GCG: variants seen among roughly 807,000 people sequenced by gnomAD.
GCG encodes pro-glucagon.
Under a neutral mutation model 22.8 loss-of-function variants are expected in GCG, and 11 were observed. The observed-to-expected ratio is 0.48, with a 90% CI of 0.30 to 0.80. GCG has a LOEUF of 0.80. Among genes scored for constraint, GCG ranks in the 30% least tolerant of loss-of-function variants. The pLI, the probability that GCG is intolerant of heterozygous loss-of-function variation, is 0.06. For synonymous variants in GCG, 89 were observed against 72.4 expected, an observed-to-expected ratio of 1.23 and a Z score of -1.16; for missense variants, 222 against 222.0, an observed-to-expected ratio of 1.00 and a Z score of 0.00.
At chr2:162,151,503 T>G (rs181811749) in intron 1 of GCG, among the ~76,000 whole-genome samples, 6 of 152,248 alleles carry the variant, frequency 3.9e-5, no homozygotes, top group Admixed American at 2.6e-4. Context: ...CTATTTATCC[T>G]CAATACATAG....
chr2:162,143,413 AGAT>A (rs1405024482), intron 5 of GCG, 43 bp from the exon 6 acceptor site: 9 of 754,014 alleles, frequency 1.2e-5, no homozygotes, highest in Non-Finnish European at 2.0e-5. Context: ...AATTATAATA[AGAT>A]GATATCATTA....
chr2:162,144,008 T>G lies in GCG; in HGVS notation c.536+19A>C, dbSNP rs767986913. 2.5e-6 allele frequency: 4 copies of G among 1,608,488 alleles called. No individual in the cohort carries two copies. The Admixed American group carries it at 6.7e-5, about 27-fold the overall frequency. On this transcript the variant is annotated intron_variant, in intron 5 of 5. Coordinates refer to ENST00000418842, the MANE Select transcript of GCG (RefSeq NM_002054.5). The stretch of plus-strand genomic sequence containing the variant: ...TATGAGAATTTGATGGTTTTCAGAA[T>G]TAACTAAAAAGCAGTCACCTGTCAG...
At chr2:162,150,249 G>T (rs1449961677) in intron 1 of GCG, among the ~76,000 whole-genome samples, 1 of 152,000 alleles carries the variant, frequency 6.6e-6, no homozygotes, top group East Asian at 1.9e-4. Context: ...TTGAGAAGCG[G>T]GCATTTCAAT....
chr2:162,151,371 A>G (rs966066041), intron 1 of GCG, among the ~76,000 whole-genome samples: 1 of 152,166 alleles, frequency 6.6e-6, no homozygotes, highest in African/African-American at 2.4e-5. Flanking sequence ...ATGGAAAAAT[A>G]CACCACTTAA....
intron 5 of GCG, 126 bp downstream of exon 5, chr2:162,143,901 A>G (rs1482750983): frequency 5.3e-6 from 4 of 754,162 alleles, no homozygotes; most frequent in Non-Finnish European, 9.3e-6. Flanking sequence ...TTAAACATGC[A>G]TAATTATTTC....
At chr2:162,146,912 C>T (rs1221651629) in intron 3 of GCG, among the ~76,000 whole-genome samples, 1 of 152,094 alleles carries the variant, frequency 6.6e-6, no homozygotes. Flanking sequence ...TTTTATTCTA[C>T]AAGAAAAGGA....
chr2:162,149,802 C>T (rs1025114648), intron 1 of GCG, among the ~76,000 whole-genome samples: 2 of 151,974 alleles, frequency 1.3e-5, no homozygotes, highest in African/African-American at 2.4e-5. Flanking sequence ...TTGACCTGTT[C>T]TAAATTAAAG....
intron 5 of GCG, 52 bp from the exon 6 acceptor site, chr2:162,143,422 C>T: frequency 1.4e-6 from 1 of 697,574 alleles, no homozygotes; most frequent in Non-Finnish European, 2.4e-6. Flanking sequence ...AAGATGATAT[C>T]ATTAACTTAT....
chr2:162,146,693 C>T (rs1686695004), intron 3 of GCG, among the ~76,000 whole-genome samples: 1 of 151,944 alleles, frequency 6.6e-6, no homozygotes, highest in Admixed American at 6.6e-5. Context: ...TTGTGGGCCA[C>T]CCTCCAAAAA....
chr2:162,144,332 C>G, intron 4 of GCG, 162 bp from the exon 5 acceptor site: 1 of 603,880 alleles, frequency 1.7e-6, no homozygotes, highest in Non-Finnish European at 2.9e-6. Flanking sequence ...CCCATGTGGA[C>G]CAGTGACTAC....
At chr2:162,144,703 C>T (rs1686637680) in intron 4 of GCG, 1 of 152,086 alleles carries the variant, frequency 6.6e-6, no homozygotes, top group South Asian at 2.1e-4. Flanking sequence ...GTTTTAAAAA[C>T]CAACCATTAT....
Position 162,144,173 on chromosome 2 carries a change from A to G in GCG, c.393-3T>C. The G allele has an allele frequency of 6.2e-7, 1 of 1,606,610 alleles. No homozygotes were observed. Among genetic ancestry groups the G allele is most frequent in the South Asian group, 1.1e-5 (1 of 90,860 alleles). On this transcript the variant is annotated splice_polypyrimidine_tract_variant and splice_region_variant and intron_variant, in intron 4 of 5. Coordinates refer to ENST00000418842, the MANE Select transcript of GCG (RefSeq NM_002054.5). ...CAATGGCGACCTCTTCTGGGAAACT[A>G]AGAAAATAAGTGTTAAAATTAGCGT...
chr2:162,149,438 G>T (rs1174438361), intron 1 of GCG, among the ~76,000 whole-genome samples: 1 of 151,942 alleles, frequency 6.6e-6, no homozygotes, highest in Admixed American at 6.6e-5. Context: ...ATTAATGTAG[G>T]GACACTTCTG....
At position 162,144,071 on chromosome 2, in the gene GCG, G is replaced by T; in HGVS notation, c.492C>A (p.Ala164=). Residue 164 remains alanine, a synonymous_variant, in exon 5 of 6, where the codon GCC becomes GCA. Coordinates refer to ENST00000418842, the MANE Select transcript of GCG (RefSeq NM_002054.5). ...EMNTILDNLA[A]RDFINWLIQT... is the part of the protein sequence containing the mutation. ...GAATCAACCAGTTTATAAAGTCCCTGGCGGCAAGATTATCAAGAATGGTGT... is the reference window on the plus strand; with the variant it reads ...GAATCAACCAGTTTATAAAGTCCCTTGCGGCAAGATTATCAAGAATGGTGT... 1 of 1,612,994 alleles carries T rather than the reference G, an allele frequency of 6.2e-7. No individual in the cohort carries two copies. The highest frequency in any genetic ancestry group is 8.5e-7 in the Non-Finnish European group (1 of 1,179,114).
chr2:162,145,789 A>T, intron 3 of GCG, 112 bp from the exon 4 acceptor site: 3 of 733,310 alleles, frequency 4.1e-6, no homozygotes, highest in Admixed American at 2.7e-5. Flanking sequence ...GGGCTTAGGG[A>T]GTTTAGGAGA....
At chr2:162,150,721 GAA>G (rs1197896125) in intron 1 of GCG, among the ~76,000 whole-genome samples, 1 of 151,968 alleles carries the variant, frequency 6.6e-6, no homozygotes, top group Non-Finnish European at 1.5e-5. Context: ...TACCACTGTT[GAA>G]AAGTTTCTTG....
At chr2:162,144,487 A>ATAGGAT in intron 4 of GCG, 1 of 242,258 alleles carries the variant, frequency 4.1e-6, no homozygotes, top group Admixed American at 5.0e-5. Flanking sequence ...TAATTCAACT[A>ATAGGAT]AATATATCAT....
intron 1 of GCG, among the ~76,000 whole-genome samples, chr2:162,150,660 G>A (rs1009235877): frequency 2.0e-5 from 3 of 151,946 alleles, no homozygotes; most frequent in African/African-American, 7.3e-5. Context: ...TGTTATATCC[G>A]TGCTTGCAGG....
intron 1 of GCG, 45 bp downstream of exon 1, chr2:162,152,113 T>C (rs1046545700): frequency 3.9e-5 from 6 of 152,620 alleles, no homozygotes; most frequent in Non-Finnish European, 8.8e-5. Flanking sequence ...TTAAAAATAC[T>C]TCACTGTCCG....
Sources: allele counts gnomAD v4.1 joint callset (sites outside exome capture counted in the v4.1 genomes callset), GRCh38; gene constraint gnomAD v4.1.1; transcripts MANE v1.5; gene names NCBI Gene and HGNC (gene_info 2026-07-23, HGNC 2026-07-21).